Variants in OR11A1 observed in about 807,000 individuals in gnomAD.
The protein encoded by OR11A1 is olfactory receptor 11A1.
For synonymous variants in OR11A1, 158 were observed against 152.2 expected (o/e 1.04, Z -0.28); for missense variants, 380 against 378.2 (o/e 1.00, Z -0.04).
intron 1 of OR11A1, among the ~76,000 whole-genome samples, chr6:29,436,367 C>T (rs1783626564): frequency 6.6e-6 from 1 of 152,094 alleles, no homozygotes; most frequent in East Asian, 1.9e-4. Context: ...TCCCATGCTC[C>T]TGAGCACAAA....
intron 1 of OR11A1, among the ~76,000 whole-genome samples, chr6:29,432,734 G>A (rs1372404059): frequency 1.3e-5 from 2 of 152,052 alleles, no homozygotes; most frequent in African/African-American, 4.8e-5. Context: ...AGCTTCCACA[G>A]AAATCAGGCT....
intron 1 of OR11A1, chr6:29,439,561 A>G (rs903210379): frequency 6.2e-6 from 1 of 160,344 alleles, no homozygotes; most frequent in Non-Finnish European, 1.4e-5. Flanking sequence ...GCAAGAGGTG[A>G]TAAGAGAGGT....
At chr6:29,428,686 G>A (rs1783037373) in intron 4 of OR11A1, among the ~76,000 whole-genome samples, 1 of 149,146 alleles carries the variant, frequency 6.7e-6, no homozygotes, top group South Asian at 2.1e-4. Flanking sequence ...GAACTCAGGA[G>A]GCGGAGCTTG....
chr6:29,453,571 A>G lies in OR11A1; in HGVS notation c.-389+3416T>C, dbSNP rs563658720. On this transcript the variant is annotated intron_variant, in intron 1 of 4. Transcript: ENST00000377149. The surrounding 1 kb of genome is among the most constrained non-coding windows in gnomAD (Gnocchi z 4.5). ...AGATAAAAACTCATGCCTAGGGTTT[A>G]TGTCAGTAAAAGTAACAAACTCAAT... Among the ~76,000 whole-genome samples, 1 of 152,314 alleles carries G rather than the reference A, an allele frequency of 6.6e-6. No homozygotes were observed. The highest frequency in any genetic ancestry group is 2.1e-4 in the South Asian group (1 of 4,830).
rs1164530344 is a variant in OR11A1, at chr6:29,425,879, G to A, written c.*815C>T. 1 of 152,156 alleles carries A rather than the reference G, an allele frequency of 6.6e-6. No individual in the cohort carries two copies. The highest frequency in any genetic ancestry group is 1.5e-5 in the Non-Finnish European group (1 of 68,024). The allele number at this position is 152,156 out of a possible 1,614,324, so 9.4% of individuals were successfully genotyped here. A position where few individuals can be genotyped will look rare whatever the true frequency, so the allele number is the denominator to read the frequency against. On this transcript the variant is annotated 3_prime_UTR_variant, in exon 5 of 5. Transcript: ENST00000377149. ...TAAAAGTTTATTACAGGAAAATCCA[G>A]ATGTAAACAATGTACAGTAAAAGAA...
In OR11A1 at chr6:29,453,008, T is replaced by C. The variant is rs1184281067; in HGVS notation, c.-389+3979A>G. On this transcript the variant is annotated intron_variant, in intron 1 of 4. Coordinates refer to ENST00000377149, the MANE Select transcript of OR11A1 (RefSeq NM_001394828.1). This position sits in a 1 kb window ranked among gnomAD's most constrained non-coding sequence, Gnocchi z 4.5. ...TGGGAGGAATTATAACTAATTTTAT[T>C]ATTATCAGATTTTTATATTCTATGT... Among the ~76,000 whole-genome samples, 1 of 151,696 alleles carries C rather than the reference T, an allele frequency of 6.6e-6. No individual in the cohort carries two copies. The highest frequency in any genetic ancestry group is 6.6e-5 in the Admixed American group (1 of 15,234).
intron 1 of OR11A1, among the ~76,000 whole-genome samples, chr6:29,447,819 C>A (rs1181195022): frequency 6.6e-6 from 1 of 152,142 alleles, no homozygotes; most frequent in Non-Finnish European, 1.5e-5. Flanking sequence ...CTGGCTGGGC[C>A]TCCTTAGGAA....
Position 29,427,459 on chromosome 6 carries a change from C to A in OR11A1, c.183G>T (p.Met61Ile). ...AGGACAGATTCGCCAAGAAAATATA[C>A]ATGGGTTTGTGGAGCCTCTGGGAGC... ...VVSSQRLHKPMYIFLANLSFL... is the reference protein window; with the variant it reads ...VVSSQRLHKPIYIFLANLSFL... The change falls in exon 5 of 5, where the codon ATG becomes ATT. Residue 61 changes from methionine to isoleucine, a missense_variant. Met to Ile is a conservative substitution (Grantham distance 10). Transcript: ENST00000377149. The A allele has an allele frequency of 6.2e-7, 1 of 1,613,082 alleles. No individual in the cohort carries two copies.
intron 1 of OR11A1, among the ~76,000 whole-genome samples, chr6:29,452,224 T>C (rs1374025219): frequency 6.6e-6 from 1 of 152,076 alleles, no homozygotes; most frequent in Non-Finnish European, 1.5e-5. Context: ...TACCTATTGG[T>C]TACTGTGCTC....
chr6:29,429,508 A>C (rs1783098226), intron 3 of OR11A1, among the ~76,000 whole-genome samples: 1 of 152,228 alleles, frequency 6.6e-6, no homozygotes, highest in African/African-American at 2.4e-5. Context: ...TGGACATATC[A>C]ACAGAAAATT....
intron 1 of OR11A1, among the ~76,000 whole-genome samples, chr6:29,445,913 AGAG>A (rs1784721173): frequency 6.6e-6 from 1 of 152,290 alleles, no homozygotes; most frequent in Non-Finnish European, 1.5e-5. Flanking sequence ...AGAAGAAAGA[AGAG>A]AACTCAGGTA....
At chr6:29,442,573 T>G (rs947979757) in intron 1 of OR11A1, among the ~76,000 whole-genome samples, 1 of 152,216 alleles carries the variant, frequency 6.6e-6, no homozygotes, top group Non-Finnish European at 1.5e-5. Flanking sequence ...CTTGCTGTCC[T>G]GTTAAGAAAG....
At chr6:29,429,876 G>T (rs1215180949) in intron 3 of OR11A1, among the ~76,000 whole-genome samples, 1 of 152,130 alleles carries the variant, frequency 6.6e-6, no homozygotes, top group Non-Finnish European at 1.5e-5. Context: ...TCTATAGGCA[G>T]CAAGGCACAG....
chr6:29,427,052 T>C lies in OR11A1; in HGVS notation c.590A>G (p.Gln197Arg), dbSNP rs1782870380. ...GLACSDPRVA[Q>R]VTTLILSVFC... ...CACAGACAGAATGAGAGTTGTCACC[T>C]GAGCCACTCTGGGATCCGAGCAAGC... is the stretch of plus-strand genomic sequence containing the variant. The change falls in exon 5 of 5, where the codon CAG (glutamine) becomes CGG (arginine). Residue 197 changes from glutamine (Q) to arginine (R), a missense_variant. Physicochemically the swap from Gln to Arg is conservative, Grantham distance 43. Transcript: ENST00000377149. The C allele has an allele frequency of 3.1e-6, 5 of 1,612,254 alleles. No homozygotes were observed. In the East Asian group the frequency reaches 1.1e-4, roughly 36 times the overall value.
Position 29,453,849 on chromosome 6 carries a change from T to C in OR11A1, c.-389+3138A>G, listed in dbSNP as rs938569207. 6.6e-6 allele frequency among the ~76,000 whole-genome samples: 1 copy of C among 152,180 alleles called. No homozygotes were observed. Among genetic ancestry groups the C allele is most frequent in the Non-Finnish European group, 1.5e-5 (1 of 68,012 alleles). On this transcript the variant is annotated intron_variant, in intron 1 of 4. Coordinates refer to ENST00000377149, the MANE Select transcript of OR11A1 (RefSeq NM_001394828.1). This position sits in a 1 kb window ranked among gnomAD's most constrained non-coding sequence, Gnocchi z 4.5. Reference sequence around the variant, plus strand: ...AATATGGTCCCAGCACAAAGGCAGATGCATTAGCAGAGAATGGAAGCCTTT... The same window carrying C: ...AATATGGTCCCAGCACAAAGGCAGACGCATTAGCAGAGAATGGAAGCCTTT...
At chr6:29,451,520 G>T (rs1295377224) in intron 1 of OR11A1, among the ~76,000 whole-genome samples, 1 of 151,988 alleles carries the variant, frequency 6.6e-6, no homozygotes, top group African/African-American at 2.4e-5. Context: ...TTTTAAATGG[G>T]CAAAGGACAT....
intron 1 of OR11A1, among the ~76,000 whole-genome samples, chr6:29,438,455 C>A (rs1005207520): frequency 1.4e-5 from 2 of 144,860 alleles, no homozygotes; most frequent in Non-Finnish European, 3.0e-5. Flanking sequence ...AAATTGATTA[C>A]TGGATTATAT....
intron 1 of OR11A1, among the ~76,000 whole-genome samples, chr6:29,456,261 G>A (rs1786227486): frequency 6.8e-6 from 1 of 147,280 alleles, no homozygotes; most frequent in Admixed American, 6.9e-5. Context: ...GGTGGCTCAC[G>A]CCTGTAATCC....
intron 1 of OR11A1, among the ~76,000 whole-genome samples, chr6:29,437,300 A>G (rs1343078321): frequency 1.3e-5 from 2 of 152,236 alleles, no homozygotes; most frequent in Non-Finnish European, 2.9e-5. Flanking sequence ...AATGTCCAAC[A>G]ATGATAGACT....
Sources: allele counts gnomAD v4.1 joint callset (sites outside exome capture counted in the v4.1 genomes callset), GRCh38; gene constraint gnomAD v4.1.1; non-coding constraint Gnocchi (gnomAD v3.1); transcripts MANE v1.5; gene names NCBI Gene and HGNC (gene_info 2026-07-23, HGNC 2026-07-21).